PDIA6: variants seen among roughly 807,000 people sequenced by gnomAD.
The protein encoded by PDIA6 is protein disulfide-isomerase A6.
Under a neutral mutation model 58.4 loss-of-function variants are expected in PDIA6, and 29 were observed. That is an observed-to-expected ratio of 0.50 (90% CI 0.37 to 0.68). The LOEUF is 0.68. Ranked by LOEUF, PDIA6 falls within the 30% of genes least tolerant of loss-of-function variation. The pLI, the probability that PDIA6 is intolerant of heterozygous loss-of-function variation, is 0.00. For missense variants in PDIA6, 480 were observed against 551.0 expected, an observed-to-expected ratio of 0.87 and a Z score of 1.29; for synonymous variants, 192 against 202.6, an observed-to-expected ratio of 0.95 and a Z score of 0.44.
At chr2:10,800,568 G>T (rs1254640071) in intron 2 of PDIA6, among the ~76,000 whole-genome samples, 1 of 110,120 alleles carries the variant, frequency 9.1e-6, no homozygotes, top group African/African-American at 2.7e-5. Context: ...TAAACGTGAA[G>T]GTTTGATTTT....
In PDIA6 at chr2:10,784,220, CAAGAA is replaced by C. The variant is rs1214435021; in HGVS notation, c.*33_*37del. 6.4e-7 allele frequency: 1 copy of C among 1,556,972 alleles called. No homozygotes were observed. Among genetic ancestry groups the C allele is most frequent in the Non-Finnish European group, 8.8e-7 (1 of 1,137,596 alleles). On this transcript the variant is annotated 3_prime_UTR_variant, in exon 13 of 13. Coordinates refer to ENST00000272227, the MANE Select transcript of PDIA6 (RefSeq NM_005742.4). ...ACTGCTGGAAAAATCCACTGGCTCCCAAGAAAAGAAAATGGTCTGAAGCCTCTGTT... is the reference window on the plus strand; with the variant it reads ...ACTGCTGGAAAAATCCACTGGCTCCCAAGAAAATGGTCTGAAGCCTCTGTT...
chr2:10,801,264 A>T (rs1666500555), intron 2 of PDIA6, among the ~76,000 whole-genome samples: 1 of 152,148 alleles, frequency 6.6e-6, no homozygotes, highest in Admixed American at 6.5e-5. Context: ...GGAGAAAGTG[A>T]GACCCTGTCT....
chr2:10,804,941 A>G (rs1358095615), intron 1 of PDIA6, among the ~76,000 whole-genome samples: 1 of 111,678 alleles, frequency 9.0e-6, no homozygotes, highest in East Asian at 2.5e-4. Context: ...GCAATTGTGA[A>G]TGGGAGTTCA....
At chr2:10,826,300 T>A (rs1234112358) in intron 1 of PDIA6, among the ~76,000 whole-genome samples, 1 of 152,196 alleles carries the variant, frequency 6.6e-6, no homozygotes, top group Non-Finnish European at 1.5e-5. Flanking sequence ...TGTGGCTGTC[T>A]AGGGCTGGGA....
chr2:10,829,393 T>G (rs566954220), intron 1 of PDIA6, among the ~76,000 whole-genome samples: 16 of 152,368 alleles, frequency 1.1e-4, no homozygotes. Flanking sequence ...TCTGCCCTGC[T>G]TCTCCAGACT....
chr2:10,812,991 G>A (rs1243370604), upstream of PDIA6: 4 of 361,010 alleles, frequency 1.1e-5, no homozygotes, highest in Non-Finnish European at 1.8e-5. Context: ...GCTGGGGGCG[G>A]GGCTGGCAGT....
chr2:10,820,765 A>G, intron 1 of PDIA6: 1 of 702,958 alleles, frequency 1.4e-6, no homozygotes, highest in Non-Finnish European at 2.6e-6. Flanking sequence ...GGGCCAGTTC[A>G]CTCACATGGC....
intron 1 of PDIA6, chr2:10,820,792 T>C (rs890020968): frequency 2.8e-6 from 2 of 703,056 alleles, no homozygotes; most frequent in African/African-American, 3.5e-5. Flanking sequence ...TCGGAGCTGA[T>C]GTTGGCTGGG....
At chr2:10,790,281 T>C (rs1665975906) in intron 7 of PDIA6, among the ~76,000 whole-genome samples, 1 of 152,142 alleles carries the variant, frequency 6.6e-6, no homozygotes, top group Admixed American at 6.5e-5. Context: ...TTATAGGTAA[T>C]TTAATGTAAC....
At chr2:10,834,987 C>T (rs536895806), upstream of PDIA6, among the ~76,000 whole-genome samples, 14 of 152,146 alleles carry the variant, frequency 9.2e-5, no homozygotes, top group African/African-American at 3.1e-4. Flanking sequence ...AGGCTGGTCT[C>T]GAACTCCTGA....
intron 1 of PDIA6, chr2:10,820,908 G>C: frequency 2.8e-6 from 2 of 702,344 alleles, no homozygotes; most frequent in Non-Finnish European, 5.2e-6. Flanking sequence ...TGTGCTCTGA[G>C]AGTGAGCGTC....
At chr2:10,794,542 A>G (rs558347173) in intron 4 of PDIA6, among the ~76,000 whole-genome samples, 6 of 150,132 alleles carry the variant, frequency 4.0e-5, no homozygotes, top group Admixed American at 3.3e-4. Context: ...CAGCCTCCCA[A>G]AGTGCTGGGA....
upstream of PDIA6, chr2:10,815,654 C>G (rs1384859668): frequency 1.3e-5 from 2 of 152,352 alleles, no homozygotes; most frequent in East Asian, 3.9e-4. Context: ...AAGCGATTCT[C>G]CTGCTTCAGC....
At chr2:10,787,486 CT>C (rs1558438142) in intron 10 of PDIA6, 47 bp from the exon 11 acceptor site, 1 of 1,547,390 alleles carries the variant, frequency 6.5e-7, no homozygotes, top group Non-Finnish European at 8.8e-7. Flanking sequence ...TTTTAAATTG[CT>C]TACGATCTAA....
rs1665910227 is a variant in PDIA6, at chr2:10,789,000, A to C, written c.841-19T>G. 3 of 1,597,282 alleles carry C rather than the reference A, an allele frequency of 1.9e-6. No homozygotes were observed. In the African/African-American group the frequency reaches 4.0e-5, roughly 21 times the overall value. On this transcript the variant is annotated intron_variant, in intron 8 of 12. Coordinates refer to ENST00000272227, the MANE Select transcript of PDIA6 (RefSeq NM_005742.4). ...TGATAATCTGTGGGACCCAAAAGACAAGGGACAATCAGGAGGCTGCATGAT... is the reference window on the plus strand; with the variant it reads ...TGATAATCTGTGGGACCCAAAAGACCAGGGACAATCAGGAGGCTGCATGAT...
At chr2:10,784,570 T>G in intron 12 of PDIA6, 1 of 523,168 alleles carries the variant, frequency 1.9e-6, no homozygotes, top group Non-Finnish European at 3.4e-6. Flanking sequence ...CTTGAACGTG[T>G]CCTTTTGAGG....
chr2:10,788,871 A>G (rs373075034), intron 9 of PDIA6, 26 bp downstream of exon 9: 2 of 1,592,332 alleles, frequency 1.3e-6, no homozygotes, highest in East Asian at 2.2e-5. Context: ...AGAACAGCTA[A>G]GGGAAATCAT....
At chr2:10,805,001 T>C (rs1355154303) in intron 1 of PDIA6, among the ~76,000 whole-genome samples, 4 of 151,700 alleles carry the variant, frequency 2.6e-5, no homozygotes, top group Non-Finnish European at 5.9e-5. Flanking sequence ...ATGCTTGTGA[T>C]TTTTGTACAT....
chr2:10,818,502 A>ATTTC lies in PDIA6; in HGVS notation c.34+771_34+772insGAAA, dbSNP rs1194984621. Among the ~76,000 whole-genome samples the ATTTC allele has an allele frequency of 2.9e-4, 36 of 124,882 alleles. 1 individual carries two copies. In the South Asian group the frequency reaches 3.3e-3, roughly 11 times the overall value. The allele number at this position is 124,882 out of a possible 152,430, so 81.9% of individuals were successfully genotyped here. ...ATTTAATTTATTTATTTATTTATTT[A>ATTTC]TTTATTTATTTATTTATTTATTTAT... On this transcript the variant is annotated intron_variant, in intron 2 of 13. Transcript: ENST00000381611.
Sources: gnomAD v4.1 joint callset for allele counts (sites outside exome capture counted in the v4.1 genomes callset) on GRCh38, gnomAD v4.1.1 for gene constraint, MANE v1.5 for transcripts, NCBI Gene and HGNC (gene_info 2026-07-23, HGNC 2026-07-21) for gene names.